The following ADGRL2 variants were observed in gnomAD, a reference collection of about 807,000 sequenced individuals.
ADGRL2 encodes the protein calcium-independent alpha-latrotoxin receptor 2.
A neutral mutation model predicts 157.4 loss-of-function variants in ADGRL2; 44 were observed. The observed-to-expected ratio is 0.28, with a 90% CI of 0.22 to 0.36. The LOEUF (loss-of-function observed/expected upper bound fraction) is 0.36, where lower values mean the gene tolerates loss of function less well. Ranked by LOEUF, ADGRL2 falls within the 10% of genes least tolerant of loss-of-function variation. The pLI, the probability that ADGRL2 is intolerant of heterozygous loss-of-function variation, is 1.00. For synonymous variants in ADGRL2, 585 were observed against 624.7 expected (o/e 0.94, Z 0.95); for missense variants, 1,510 against 1,768.9 (o/e 0.85, Z 2.63).
intron 2 of ADGRL2, among the ~76,000 whole-genome samples, chr1:81,879,012 T>A (rs1316704742): frequency 6.6e-6 from 1 of 152,200 alleles, no homozygotes; most frequent in Admixed American, 6.5e-5. Flanking sequence ...TAAACAAATA[T>A]GTTAGCCTAG....
At chr1:81,378,430 G>C (rs573638403) in intron 1 of ADGRL2, among the ~76,000 whole-genome samples, 1 of 151,948 alleles carries the variant, frequency 6.6e-6, no homozygotes, top group South Asian at 2.1e-4. Context: ...GCGTGGCTTT[G>C]TGTGCCTGTA....
chr1:81,502,800 C>G lies in ADGRL2; in HGVS notation c.-248+57711C>G, dbSNP rs977630598. ...GCTACAGCTCCTCCCTCTTTGGCTA[C>G]TCACCTGCTGCGGCTACTGCTGCTG... On this transcript the variant is annotated intron_variant, in intron 2 of 24. Transcript: ENST00000370721. 5.1e-5 allele frequency: 82 copies of G among 1,612,722 alleles called. No homozygotes were observed. In the East Asian group the frequency reaches 8.0e-4, roughly 16 times the overall value.
At chr1:81,923,796 G>A (rs2095043132) in intron 3 of ADGRL2, among the ~76,000 whole-genome samples, 1 of 152,090 alleles carries the variant, frequency 6.6e-6, no homozygotes, top group Non-Finnish European at 1.5e-5. Context: ...ACATACAACA[G>A]AAAGGTGAAA....
chr1:81,326,189 G>C (rs947935655), intron 1 of ADGRL2, among the ~76,000 whole-genome samples: 2 of 152,160 alleles, frequency 1.3e-5, no homozygotes, highest in African/African-American at 2.4e-5. Flanking sequence ...CCAGAGATTT[G>C]AGGCAAAGCT....
chr1:81,441,526 T>G (rs2077506976), intron 1 of ADGRL2, among the ~76,000 whole-genome samples: 1 of 152,134 alleles, frequency 6.6e-6, no homozygotes, highest in African/African-American at 2.4e-5. Flanking sequence ...TGTTTTTGGG[T>G]TTTTTTGTTT....
chr1:81,958,467 G>T (rs1432867581), intron 11 of ADGRL2, among the ~76,000 whole-genome samples: 1 of 151,986 alleles, frequency 6.6e-6, no homozygotes, highest in Non-Finnish European at 1.5e-5. Flanking sequence ...TGAGGACATG[G>T]CTATAATGTC....
intron 3 of ADGRL2, among the ~76,000 whole-genome samples, chr1:81,623,269 T>C (rs1418997067): frequency 6.6e-6 from 1 of 152,206 alleles, no homozygotes; most frequent in African/African-American, 2.4e-5. Context: ...CATTGACAGA[T>C]ATTTCAAAGA....
chr1:81,872,332 A>G (rs6598971), intron 2 of ADGRL2, among the ~76,000 whole-genome samples: 57,242 of 151,992 alleles, frequency 0.38, 12,512 homozygotes, highest in East Asian at 0.86. Flanking sequence ...TGGTAACTGT[A>G]GCCTTGTAGT....
At chr1:81,411,875 G>A (rs1430334005) in intron 1 of ADGRL2, among the ~76,000 whole-genome samples, 7 of 131,138 alleles carry the variant, frequency 5.3e-5, no homozygotes, top group African/African-American at 1.9e-4. Context: ...GCGAGACTCC[G>A]TCTTAAAAAA....
chr1:81,474,979 T>C (rs1294276385), intron 2 of ADGRL2, among the ~76,000 whole-genome samples: 1 of 152,124 alleles, frequency 6.6e-6, no homozygotes, highest in Non-Finnish European at 1.5e-5. Flanking sequence ...AGAAAACATT[T>C]TGATAGGTGG....
chr1:81,837,003 A>G lies in ADGRL2; in HGVS notation c.19A>G (p.Arg7Gly). 6.3e-7 allele frequency: 1 copy of G among 1,593,282 alleles called. No individual in the cohort carries two copies. The highest frequency in any genetic ancestry group is 1.1e-5 in the South Asian group (1 of 87,660). The change falls in exon 2 of 24, where the codon AGA becomes GGA. Residue 7 changes from arginine (R) to glycine (G), a missense_variant. Arg to Gly is a moderately radical substitution (Grantham distance 125, BLOSUM62 -2). Coordinates refer to ENST00000686636, the MANE Select transcript of ADGRL2 (RefSeq NM_001366006.2). ...ATCAATAATGGTGTCTTCTGGTTGC[A>G]GAATGCGAAGTCTGTGGTTTATCAT... MVSSGCRMRSLWFIIVI... is the reference protein window; with the variant it reads MVSSGCGMRSLWFIIVI...
Position 81,825,617 on chromosome 1 carries a change from T to A in ADGRL2, c.-100-11268T>A, listed in dbSNP as rs564279499. 2.3e-4 allele frequency among the ~76,000 whole-genome samples: 32 copies of A among 141,342 alleles called. 1 individual carries two copies. In the South Asian group the frequency reaches 6.8e-3, roughly 30 times the overall value. The allele number at this position is 141,342 out of a possible 152,430, so 92.7% of individuals were successfully genotyped here. ...ATCTTGGCCTCCCAAAGTGCTGGGA[T>A]TACAGGCATGAGTCACCGCACCTGG... On this transcript the variant is annotated intron_variant, in intron 1 of 23. Transcript: ENST00000686636.
At chr1:81,536,667 T>A (rs1376170144) in intron 2 of ADGRL2, among the ~76,000 whole-genome samples, 1 of 152,208 alleles carries the variant, frequency 6.6e-6, no homozygotes. Flanking sequence ...TGGTGGTTAT[T>A]TTGTTTTGTT....
chr1:81,899,516 A>G (rs1000141834), intron 2 of ADGRL2, among the ~76,000 whole-genome samples: 1 of 152,148 alleles, frequency 6.6e-6, no homozygotes, highest in Non-Finnish European at 1.5e-5. Context: ...TGTCTTTTCA[A>G]AATCATTTGT....
intron 2 of ADGRL2, among the ~76,000 whole-genome samples, chr1:81,465,022 A>C (rs1395766830): frequency 6.6e-6 from 1 of 151,782 alleles, no homozygotes; most frequent in Non-Finnish European, 1.5e-5. Flanking sequence ...TTCTACCATC[A>C]AGTGTCACTC....
intron 2 of ADGRL2, among the ~76,000 whole-genome samples, chr1:81,868,060 G>GAT (rs1553173773): frequency 1.0e-4 from 15 of 145,560 alleles, no homozygotes; most frequent in Non-Finnish European, 2.1e-4. Flanking sequence ...GTGTGTGTGT[G>GAT]GTGTGTGTGT....
intron 1 of ADGRL2, among the ~76,000 whole-genome samples, chr1:81,364,138 AAGCCAG>A (rs2076024234): frequency 6.6e-6 from 1 of 152,164 alleles, no homozygotes; most frequent in East Asian, 1.9e-4. Context: ...ATTCAATAGA[AAGCCAG>A]ACTAAAAAAA....
chr1:81,501,055 T>C lies in ADGRL2; in HGVS notation c.-248+55966T>C, dbSNP rs532111312. Among the ~76,000 whole-genome samples, 4 of 152,332 alleles carry C rather than the reference T, an allele frequency of 2.6e-5. No individual in the cohort carries two copies. In the South Asian group the frequency reaches 8.3e-4, roughly 32 times the overall value. On this transcript the variant is annotated intron_variant, in intron 2 of 24. Coordinates refer to the ADGRL2 transcript ENST00000370721. ...CAAAAATTCCTGTATTCTGGATTCA[T>C]ACCCTTTGCCTATCCTAAAGACTAG...
At chr1:81,552,605 G>GAAAAAAAAAAAAAAAAAAA (rs35795177) in intron 2 of ADGRL2, among the ~76,000 whole-genome samples, 6 of 103,980 alleles carry the variant, frequency 5.8e-5, no homozygotes, top group Non-Finnish European at 9.6e-5. Flanking sequence ...ACTTTACTTA[G>GAAAAAAAAAAAAAAAAAAA]AAAAAAAAAA....
Sources: gnomAD v4.1 joint callset for allele counts (sites outside exome capture counted in the v4.1 genomes callset) on GRCh38, gnomAD v4.1.1 for gene constraint, MANE v1.5 for transcripts, NCBI Gene and HGNC (gene_info 2026-07-23, HGNC 2026-07-21) for gene names.